Variants in NOXO1 observed in about 807,000 individuals in gnomAD.
NOXO1 encodes the protein NADPH oxidase organizer 1.
In NOXO1, 38 loss-of-function variants were observed where a neutral mutation model predicts 33.3. That is an observed-to-expected ratio of 1.14 (90% CI 0.88 to 1.50). The LOEUF is 1.50. Ranked by LOEUF, NOXO1 falls within the 40% of genes most tolerant of loss-of-function variation. NOXO1 has a pLI of 0.00. For missense variants in NOXO1, 675 were observed against 527.1 expected, an observed-to-expected ratio of 1.28 and a Z score of -2.75; for synonymous variants, 302 against 237.3, an observed-to-expected ratio of 1.27 and a Z score of -2.51.
rs1567328133 is a variant in NOXO1 at position 1,979,102 on chromosome 16, G to A, written c.1066C>T (p.Arg356Cys). Residue 356 changes from arginine to cysteine, a missense_variant, in exon 8 of 8, where the codon CGC (arginine) becomes TGC (cysteine). Physicochemically the swap from Arg to Cys is radical, Grantham distance 180. Transcript: ENST00000356120. ...ALERRPRRQG[R>C]PRGCVDSVPH... ...ACAGAGTCCACGCACCCTCGAGGGC[G>A]GCCCTGGCGCCGTGGGCGCCGCTCC... 7 of 1,499,794 alleles carry A rather than the reference G, an allele frequency of 4.7e-6. No individual in the cohort carries two copies. In the South Asian group the frequency reaches 8.9e-5, roughly 19 times the overall value. The allele number at this position is 1,499,794 out of a possible 1,614,324, so 92.9% of individuals were successfully genotyped here.
Position 1,980,374 on chromosome 16 carries a change from G to C in NOXO1, c.394C>G (p.Pro132Ala). ...TTGGGGCGAGTCAGGCACCTGCCGG[G>C]TGGCAGCGCGGGCTCCAGGTCCAGG... Reference protein sequence around the residue: ...QPLDLEPALPPGSRVILPTPE... With the variant: ...QPLDLEPALPAGSRVILPTPE... Residue 132 changes from proline (P) to alanine (A), a missense_variant, in exon 4 of 8, where the codon CCC becomes GCC. Physicochemically the swap from Pro to Ala is conservative, Grantham distance 27. Transcript: ENST00000356120. The C allele has an allele frequency of 1.2e-6, 2 of 1,600,720 alleles. No homozygotes were observed. The highest frequency in any genetic ancestry group is 1.7e-6 in the Non-Finnish European group (2 of 1,178,904).
In NOXO1 at chr16:1,979,843, T is replaced by C; in HGVS notation, c.647A>G (p.Glu216Gly). 4 of 1,579,230 alleles carry C rather than the reference T, an allele frequency of 2.5e-6. No homozygotes were observed. Among genetic ancestry groups the C allele is most frequent in the Non-Finnish European group, 3.4e-6 (4 of 1,163,918 alleles). Residue 216 changes from glutamate to glycine, a missense_variant, in exon 6 of 8, where the codon GAG (glutamate) becomes GGG (glycine). Glu to Gly is a moderately conservative substitution (Grantham distance 98). Transcript: ENST00000356120. Reference protein sequence around the residue: ...QTAWFPAPYLEEAAPGQGREG... With the variant: ...QTAWFPAPYLGEAAPGQGREG... ...CCGGCCTTGGCCCGGGGCCGCCTCC[T>C]CCAGGTAGGGCGCTGGAAACCAGGC...
intron 4 of NOXO1, 36 bp downstream of exon 4, chr16:1,980,331 C>T: frequency 6.3e-7 from 1 of 1,584,516 alleles, no homozygotes; most frequent in Non-Finnish European, 8.5e-7. Flanking sequence ...GCTCCAAACG[C>T]CGCTGCATGC....
rs749222394 is a variant in NOXO1 at position 1,979,315 on chromosome 16, G to C, written c.853C>G (p.Leu285Val). 9 of 1,572,728 alleles carry C rather than the reference G, an allele frequency of 5.7e-6. No individual in the cohort carries two copies. The highest frequency in any genetic ancestry group is 7.7e-6 in the Non-Finnish European group (9 of 1,166,862). ...GCGCCCAGCCCTTCCGGCCGCAGCAGCACCGCGGGGAGTAGGCCCGCCCGG... is the reference window on the plus strand; with the variant it reads ...GCGCCCAGCCCTTCCGGCCGCAGCACCACCGCGGGGAGTAGGCCCGCCCGG... ...GDRAGLLPAV[L>V]LRPEGLGALL... The change falls in exon 8 of 8, where the codon CTG becomes GTG. Residue 285 changes from leucine (L) to valine (V), a missense_variant. By Grantham distance (32) the Leu-to-Val change is conservative (BLOSUM62 1). Coordinates refer to ENST00000356120, the MANE Select transcript of NOXO1 (RefSeq NM_172167.3).
At chr16:1,979,677 G>A (rs1322568841) in intron 6 of NOXO1, 113 bp downstream of exon 6, 1 of 1,173,040 alleles carries the variant, frequency 8.5e-7, no homozygotes, top group African/African-American at 1.5e-5. Flanking sequence ...CTTCCTCTAG[G>A]TGCGGAGACC....
Position 1,978,931 on chromosome 16 carries a change from C to A in NOXO1, c.*121G>T. The A allele has an allele frequency of 8.6e-7, 1 of 1,163,032 alleles. No homozygotes were observed. The allele number at this position is 1,163,032 out of a possible 1,614,324, so 72.0% of individuals were successfully genotyped here. A position where few individuals can be genotyped will look rare whatever the true frequency, so the allele number is the denominator to read the frequency against. ...GACGGTGGGGGTCATGCAGAACAAGCTTTACTCAGAGGAACAGCAAATGGC... is the reference window on the plus strand; with the variant it reads ...GACGGTGGGGGTCATGCAGAACAAGATTTACTCAGAGGAACAGCAAATGGC... On this transcript the variant is annotated 3_prime_UTR_variant, in exon 8 of 8. Transcript: ENST00000356120.
At position 1,980,124 on chromosome 16, in the gene NOXO1, G is replaced by C. The variant is rs375214922; in HGVS notation, c.459C>G (p.Leu153=). ...TCTGAGCCTCCAGACTGTGGATGGA[G>C]AGGCGGCCCGCAGCGCGAGAAAGAG... ...EQPLSRAAGR[L]SIHSLEAQSL... The change falls in exon 5 of 8, where the codon CTC becomes CTG. Residue 153 remains leucine (L), a synonymous_variant. Transcript: ENST00000356120. 2 of 1,607,376 alleles carry C rather than the reference G, an allele frequency of 1.2e-6. No homozygotes were observed. The highest frequency in any genetic ancestry group is 1.7e-6 in the Non-Finnish European group (2 of 1,178,770).
intron 2 of NOXO1, 24 bp downstream of exon 2, chr16:1,980,915 T>C (rs1172583738): frequency 6.2e-7 from 1 of 1,604,248 alleles, no homozygotes; most frequent in Non-Finnish European, 8.5e-7. Context: ...CACCGCGGCA[T>C]CAGGGTGGCC....
rs1364528322 is a variant in NOXO1, at chr16:1,978,952, A to G, written c.*100T>C. 12 of 1,238,492 alleles carry G rather than the reference A, an allele frequency of 9.7e-6. No homozygotes were observed. The highest frequency in any genetic ancestry group is 1.3e-5 in the Non-Finnish European group (12 of 902,234). 76.7% of individuals were successfully genotyped at this position (1,238,492 alleles called of 1,614,324 possible). A position where few individuals can be genotyped will look rare whatever the true frequency, so the allele number is the denominator to read the frequency against. On this transcript the variant is annotated 3_prime_UTR_variant, in exon 8 of 8. Transcript: ENST00000356120. ...CAAGCTTTACTCAGAGGAACAGCAA[A>G]TGGCCCCCTCCCATCCCTGCTGGCC...
At position 1,980,456 on chromosome 16, in the gene NOXO1, C is replaced by T. The variant is rs748507828; in HGVS notation, c.312G>A (p.Ala104=). 4 of 1,601,880 alleles carry T rather than the reference C, an allele frequency of 2.5e-6. No individual in the cohort carries two copies. The South Asian group carries it at 3.3e-5, about 13-fold the overall frequency. ...GGCTCCGTGCCACGCGCTCTGCAGT[C>T]GCCAGCAGCCTCCGAGAATAGGTTT... The part of the protein sequence containing the change: ...LLETYSRRLL[A]TAERVARSPT... Residue 104 remains alanine, a synonymous_variant, in exon 4 of 8, where the codon GCG becomes GCA. Coordinates refer to ENST00000356120, the MANE Select transcript of NOXO1 (RefSeq NM_172167.3).
rs1334363952 is a variant in NOXO1 at position 1,981,307 on chromosome 16, G to A, written c.-128C>T. 1.4e-6 allele frequency: 2 copies of A among 1,472,636 alleles called. No homozygotes were observed. Among genetic ancestry groups the A allele is most frequent in the Non-Finnish European group, 1.8e-6 (2 of 1,113,782 alleles). 91.2% of individuals were successfully genotyped at this position (1,472,636 alleles called of 1,614,324 possible). ...AATCCTGGCAACACCTCAAGCCTGT[G>A]GGGTCCTTGTGGAGCCGCCCCAGCT... On this transcript the variant is annotated 5_prime_UTR_variant, in exon 1 of 8. Transcript: ENST00000356120.
intron 4 of NOXO1, 78 bp downstream of exon 4, chr16:1,980,289 T>C (rs2083475865): frequency 1.3e-6 from 2 of 1,524,178 alleles, no homozygotes; most frequent in Non-Finnish European, 1.8e-6. Context: ...CCCTATTCGC[T>C]GGCTGTTCCC....
At position 1,980,974 on chromosome 16, in the gene NOXO1, C is replaced by A; in HGVS notation, c.112G>T (p.Val38Leu). The A allele has an allele frequency of 3.7e-6, 6 of 1,613,206 alleles. No homozygotes were observed. The highest frequency in any genetic ancestry group is 4.2e-6 in the Non-Finnish European group (5 of 1,180,018). Residue 38 changes from valine (V) to leucine (L), a missense_variant, in exon 2 of 8, where the codon GTG becomes TTG. Coordinates refer to ENST00000356120, the MANE Select transcript of NOXO1 (RefSeq NM_172167.3). ...CTGAATTCGTCCCAACTCCTGCGCA[C>A]GAAGGTGTCGCTGCCGTCTGACCAG... is the stretch of plus-strand genomic sequence containing the variant. Reference protein sequence around the residue: ...VRWSDGSDTFVRRSWDEFRQL... With the variant: ...VRWSDGSDTFLRRSWDEFRQL...
chr16:1,979,687 C>G, intron 6 of NOXO1, 103 bp downstream of exon 6: 1 of 1,192,560 alleles, frequency 8.4e-7, no homozygotes, highest in Non-Finnish European at 1.2e-6. Flanking sequence ...GTGCGGAGAC[C>G]AAGCACGGGC....
In NOXO1 at chr16:1,979,061, C is replaced by G. The variant is rs557911970; in HGVS notation, c.1107G>C (p.Thr369=). 2 of 1,544,898 alleles carry G rather than the reference C, an allele frequency of 1.3e-6. No homozygotes were observed. The highest frequency in any genetic ancestry group is 1.2e-5 in the South Asian group (1 of 84,592). ...ATCGGGATCCTCGCGCTCACTGCTC[C>G]GTCGTGGGGTGCGGCACAGAGTCCA... ...GCVDSVPHPT[T]EQ Residue 369 remains threonine (T), a synonymous_variant, in exon 8 of 8, where the codon ACG becomes ACC. Transcript: ENST00000356120.
chr16:1,980,858 A>C (rs1057310504), intron 2 of NOXO1, 81 bp downstream of exon 2: 16 of 1,460,222 alleles, frequency 1.1e-5, no homozygotes, highest in Non-Finnish European at 1.4e-5. Context: ...AGTGGGAGTC[A>C]CTGATGGGAG....
chr16:1,980,746 C>G lies in NOXO1; in HGVS notation c.148-15G>C. 1 of 1,586,604 alleles carries G rather than the reference C, an allele frequency of 6.3e-7. No homozygotes were observed. Among genetic ancestry groups the G allele is most frequent in the Non-Finnish European group, 8.6e-7 (1 of 1,165,638 alleles). ...TTGAGGGTCTTCTGAGGGCGGGAAC[C>G]AGGGCATTGGTCTTCCAGAGCCCAC... is the stretch of plus-strand genomic sequence containing the variant. On this transcript the variant is annotated splice_polypyrimidine_tract_variant and intron_variant, in intron 2 of 7. Transcript: ENST00000356120.
rs377665551 is a variant in NOXO1 at position 1,981,199 on chromosome 16, C to G, written c.-20G>C. 1 of 1,613,274 alleles carries G rather than the reference C, an allele frequency of 6.2e-7. No homozygotes were observed. Among genetic ancestry groups the G allele is most frequent in the Non-Finnish European group, 8.5e-7 (1 of 1,179,982 alleles). ...TGCCATGGCTGTGGCTTCCAGGCTG[C>G]AGATTCCTGAAATGGGCGAGGACCC... is the stretch of plus-strand genomic sequence containing the variant. On this transcript the variant is annotated 5_prime_UTR_variant, in exon 1 of 8. Transcript: ENST00000356120.
At position 1,981,104 on chromosome 16, in the gene NOXO1, C is replaced by G; in HGVS notation, c.66+10G>C. 6.2e-7 allele frequency: 1 copy of G among 1,613,064 alleles called. No homozygotes were observed. The highest frequency in any genetic ancestry group is 1.1e-5 in the South Asian group (1 of 91,082). On this transcript the variant is annotated intron_variant, in intron 1 of 7. Transcript: ENST00000356120. ...CCCTTGGGGCCACTAAGGACCCAGC[C>G]AGGTCTTACTTGGAGCCTCTTGATC... is the stretch of plus-strand genomic sequence containing the variant.
Sources: allele counts gnomAD v4.1 joint callset, GRCh38; gene constraint gnomAD v4.1.1; transcripts MANE v1.5; gene names NCBI Gene and HGNC (gene_info 2026-07-23, HGNC 2026-07-21).